PRR12: variants seen among roughly 807,000 people sequenced by gnomAD.
PRR12 encodes proline rich 12.
PRR12 carries 12 observed loss-of-function variants against 138.0 expected under a neutral mutation model. The observed-to-expected ratio is 0.09, with a 90% CI of 0.06 to 0.14. The LOEUF (loss-of-function observed/expected upper bound fraction) is 0.14. Among genes scored for constraint, PRR12 ranks in the 10% least tolerant of loss-of-function variants. The pLI is 1.00. For synonymous variants in PRR12, 1,567 were observed against 1,291.7 expected (o/e 1.21, Z -4.57); for missense variants, 2,692 against 2,861.3 (o/e 0.94, Z 1.35).
chr19:49,602,224 C>T (rs1439291726), intron 6 of PRR12, among the ~76,000 whole-genome samples: 1 of 151,958 alleles, frequency 6.6e-6, no homozygotes, highest in Non-Finnish European at 1.5e-5. Context: ...ATGCAGATAC[C>T]CTGCTGTGGG....
intron 5 of PRR12, among the ~76,000 whole-genome samples, chr19:49,600,502 C>T (rs892794751): frequency 2.7e-5 from 4 of 149,922 alleles, no homozygotes; most frequent in Non-Finnish European, 4.4e-5. Context: ...AAAACCATGA[C>T]AGGCCGGGCA....
intron 9 of PRR12, among the ~76,000 whole-genome samples, chr19:49,619,512 G>A (rs1185965687): frequency 6.8e-6 from 1 of 147,832 alleles, no homozygotes; most frequent in Non-Finnish European, 1.5e-5. Flanking sequence ...TGGGATTACA[G>A]GTGTGAGCCA....
chr19:49,624,726 G>T, intron 11 of PRR12, 118 bp from the exon 12 acceptor site: 7 of 1,424,546 alleles, frequency 4.9e-6, no homozygotes, highest in Non-Finnish European at 6.5e-6. Flanking sequence ...GGAGACTCTA[G>T]TTGTCTCTCC....
chr19:49,598,611 G>A (rs1418981101), intron 4 of PRR12, among the ~76,000 whole-genome samples: 1 of 152,110 alleles, frequency 6.6e-6, no homozygotes, highest in Non-Finnish European at 1.5e-5. Flanking sequence ...CTTGAACCCA[G>A]ATGTTCGAGA....
chr19:49,617,518 C>T (rs2080899075), intron 9 of PRR12, among the ~76,000 whole-genome samples: 1 of 152,062 alleles, frequency 6.6e-6, no homozygotes, highest in South Asian at 2.1e-4. Flanking sequence ...GTAGTCCCAG[C>T]TACTCAGGAG....
chr19:49,599,538 C>A lies in PRR12; in HGVS notation c.3945C>A (p.Pro1315=). 1 of 1,596,998 alleles carries A rather than the reference C, an allele frequency of 6.3e-7. No homozygotes were observed. The highest frequency in any genetic ancestry group is 8.5e-7 in the Non-Finnish European group (1 of 1,172,332). The part of the protein sequence containing the change: ...PPLSPPKSVP[P]SVPARGLQPQ... The stretch of plus-strand genomic sequence containing the variant: ...TCAGCCCTCCCAAGAGTGTGCCACC[C>A]TCTGTGCCAGCCCGAGGCCTGCAGC... The change falls in exon 5 of 14, where the codon CCC becomes CCA. Residue 1315 remains proline (P), a synonymous_variant. Transcript: ENST00000418929. The surrounding 1 kb of genome is among the most constrained non-coding windows in gnomAD (Gnocchi z 5.0).
chr19:49,607,601 G>C lies in PRR12; in HGVS notation c.4773+5683G>C, dbSNP rs73058066. Among the ~76,000 whole-genome samples the C allele has an allele frequency of 6.9e-3, 1,050 of 152,032 alleles. 9 individuals are homozygous for C. Among genetic ancestry groups the C allele is most frequent in the Non-Finnish European group, 0.012 (840 of 67,988 alleles). On this transcript the variant is annotated intron_variant, in intron 6 of 13. Transcript: ENST00000418929. ...CATGTGCTTGTTGTCCCAGCTACCT[G>C]AGAGGCTCAGGTGGGAGAATCGCTT...
chr19:49,592,892 TC>T (rs563830577), intron 1 of PRR12, among the ~76,000 whole-genome samples: 2 of 151,586 alleles, frequency 1.3e-5, no homozygotes, highest in South Asian at 2.1e-4. Flanking sequence ...GCCTATGTGT[TC>T]CCGTGTGTCT....
At position 49,595,683 on chromosome 19, in the gene PRR12, G is replaced by C. The variant is rs1842310501; in HGVS notation, c.1348G>C (p.Gly450Arg). ...GQAYSPGQPQ[G>R]LLGPQAYGQG... Reference sequence around the variant, plus strand: ...GGCTTATTCCCCCGGTCAGCCTCAAGGGCTTCTGGGACCCCAGGCCTACGG... The same window carrying C: ...GGCTTATTCCCCCGGTCAGCCTCAACGGCTTCTGGGACCCCAGGCCTACGG... The change falls in exon 4 of 14, where the codon GGG (glycine) becomes CGG (arginine). Residue 450 changes from glycine to arginine, a missense_variant. This residue lies in a region of PRR12 where 523 missense variants were observed against 496.4 expected (regional missense o/e 1.05). Transcript: ENST00000418929. 6.3e-7 allele frequency: 1 copy of C among 1,595,294 alleles called. No individual in the cohort carries two copies. Among genetic ancestry groups the C allele is most frequent in the Non-Finnish European group, 8.5e-7 (1 of 1,171,464 alleles).
chr19:49,614,760 GCC>G lies in PRR12; in HGVS notation c.4891-112_4891-111del. ...CACTCCACAGTGTATCTGGAAGGGG[GCC>G]CCCTGCTGCCGGCAGGCTCCAAGCA... is the stretch of plus-strand genomic sequence containing the variant. On this transcript the variant is annotated intron_variant, in intron 7 of 13. Transcript: ENST00000418929. This position sits in a 1 kb window ranked among gnomAD's most constrained non-coding sequence, Gnocchi z 5.0. The G allele has an allele frequency of 6.6e-7, 1 of 1,521,360 alleles. No homozygotes were observed. The highest frequency in any genetic ancestry group is 9.0e-7 in the Non-Finnish European group (1 of 1,115,666). The allele number at this position is 1,521,360 out of a possible 1,614,324, so 94.2% of individuals were successfully genotyped here.
intron 11 of PRR12, among the ~76,000 whole-genome samples, chr19:49,621,942 T>C (rs1390033250): frequency 3.9e-5 from 6 of 152,156 alleles, no homozygotes; most frequent in Non-Finnish European, 1.5e-5. Context: ...CGATGGCTTC[T>C]TTGTGAGTCC....
At position 49,597,917 on chromosome 19, in the gene PRR12, C is replaced by G. The variant is rs370995191; in HGVS notation, c.3582C>G (p.Thr1194=). The G allele has an allele frequency of 1.0e-5, 14 of 1,404,824 alleles. No homozygotes were observed. The East Asian group carries it at 3.7e-4, about 37-fold the overall frequency. 87.0% of individuals were successfully genotyped at this position (1,404,824 alleles called of 1,614,324 possible). A position where few individuals can be genotyped will look rare whatever the true frequency, so the allele number is the denominator to read the frequency against. ...GGCCCGCCTCGGCCTCCACGCCCAC[C>G]GATGGCGCCAAGAAACCCCGGGGCC... The part of the protein sequence containing the change: ...TAGPASASTP[T]DGAKKPRGRG... Residue 1194 remains threonine (T), a synonymous_variant, in exon 4 of 14, where the codon ACC becomes ACG. Transcript: ENST00000418929. This position sits in a 1 kb window ranked among gnomAD's most constrained non-coding sequence, Gnocchi z 6.3.
rs1242125474 is a variant in PRR12, at chr19:49,596,763, C to T, written c.2428C>T (p.Pro810Ser). The change falls in exon 4 of 14, where the codon CCC (proline) becomes TCC (serine). Residue 810 changes from proline to serine, a missense_variant. Physicochemically the swap from Pro to Ser is moderately conservative, Grantham distance 74. Coordinates refer to ENST00000418929, the MANE Select transcript of PRR12 (RefSeq NM_020719.3). The surrounding 1 kb of genome is among the most constrained non-coding windows in gnomAD (Gnocchi z 5.6). ...GCTCCCCTCGGTCCTCAGCCATGCC[C>T]CCAGTCCCTCTCCCAGCGCCTCCAA... ...QLLPSVLSHA[P>S]SPSPSASKVG... 4 of 1,604,384 alleles carry T rather than the reference C, an allele frequency of 2.5e-6. No individual in the cohort carries two copies. The highest frequency in any genetic ancestry group is 2.2e-5 in the South Asian group (2 of 90,966).
chr19:49,613,983 C>T (rs1372475569), intron 6 of PRR12, among the ~76,000 whole-genome samples: 1 of 152,170 alleles, frequency 6.6e-6, no homozygotes, highest in East Asian at 1.9e-4. Flanking sequence ...TGGCGCATGC[C>T]TGTAATTCCA....
chr19:49,593,791 TTCTTCCTGATTCCC>T, intron 2 of PRR12, among the ~76,000 whole-genome samples: 1 of 152,278 alleles, frequency 6.6e-6, no homozygotes, highest in East Asian at 1.9e-4. Context: ...TCTGAATTCT[TTCTTCCTGATTCCC>T]TTTCTTCCTG....
Position 49,616,263 on chromosome 19 carries a change from A to AG in PRR12, c.5497+47dup. The AG allele has an allele frequency of 1.4e-6, 2 of 1,426,536 alleles. No individual in the cohort carries two copies. Among genetic ancestry groups the AG allele is most frequent in the Non-Finnish European group, 1.9e-6 (2 of 1,068,820 alleles). 88.4% of individuals were successfully genotyped at this position (1,426,536 alleles called of 1,614,324 possible). ...TCAGGGCTGCAGGGGTGGGTGGGGA[A>AG]GGGACACAGGTGAGGGCTGTCCAGA... is the stretch of plus-strand genomic sequence containing the variant. On this transcript the variant is annotated intron_variant, in intron 9 of 13. Transcript: ENST00000418929. This position sits in a 1 kb window ranked among gnomAD's most constrained non-coding sequence, Gnocchi z 4.2.
At chr19:49,610,642 C>T (rs572363454) in intron 6 of PRR12, among the ~76,000 whole-genome samples, 50 of 150,208 alleles carry the variant, frequency 3.3e-4, no homozygotes, top group African/African-American at 1.1e-3. Context: ...TCTGGGTTCA[C>T]GCCATTCTCC....
chr19:49,621,176 G>C (rs2080921219), intron 10 of PRR12, among the ~76,000 whole-genome samples: 1 of 138,258 alleles, frequency 7.2e-6, no homozygotes, highest in African/African-American at 2.7e-5. Flanking sequence ...GAGGGAGGAG[G>C]GGCTGGGGCC....
In PRR12 at chr19:49,597,954, C is replaced by G; in HGVS notation, c.3619C>G (p.Arg1207Gly). The part of the protein sequence containing the change: ...AKKPRGRGRG[R>G]GRKAEEAGGT... ...GAAACCCCGGGGCCGGGGCCGAGGCCGGGGTCGAAAGGCTGAGGAGGCAGG... is the reference window on the plus strand; with the variant it reads ...GAAACCCCGGGGCCGGGGCCGAGGCGGGGGTCGAAAGGCTGAGGAGGCAGG... Residue 1207 changes from arginine to glycine, a missense_variant, in exon 4 of 14, where the codon CGG becomes GGG. Arg to Gly is a moderately radical substitution (Grantham distance 125, BLOSUM62 -2). Coordinates refer to ENST00000418929, the MANE Select transcript of PRR12 (RefSeq NM_020719.3). The surrounding 1 kb of genome is among the most constrained non-coding windows in gnomAD (Gnocchi z 6.3). 1 of 1,396,690 alleles carries G rather than the reference C, an allele frequency of 7.2e-7. No individual in the cohort carries two copies. Among genetic ancestry groups the G allele is most frequent in the Non-Finnish European group, 9.3e-7 (1 of 1,078,802 alleles). The allele number at this position is 1,396,690 out of a possible 1,614,324, so 86.5% of individuals were successfully genotyped here. A position where few individuals can be genotyped will look rare whatever the true frequency, so the allele number is the denominator to read the frequency against.
Sources: allele counts gnomAD v4.1 joint callset (sites outside exome capture counted in the v4.1 genomes callset), GRCh38; gene constraint gnomAD v4.1.1; regional missense constraint gnomAD v4.1.1; non-coding constraint Gnocchi (gnomAD v3.1); transcripts MANE v1.5; gene names NCBI Gene and HGNC (gene_info 2026-07-23, HGNC 2026-07-21).